PCLO: variants seen among roughly 807,000 people sequenced by gnomAD.
The protein encoded by PCLO is piccolo presynaptic cytomatrix protein.
PCLO carries 82 observed loss-of-function variants against 427.5 expected under a neutral mutation model. The ratio of observed to expected loss-of-function variants is 0.19; its 90% CI spans 0.16 to 0.23. The LOEUF is 0.23. PCLO is among the 10% of genes least tolerant of loss of function. PCLO has a pLI of 1.00. For missense variants in PCLO, 6,239 were observed against 6,115.9 expected, an observed-to-expected ratio of 1.02 and a Z score of -0.67; for synonymous variants, 2,357 against 2,155.4, an observed-to-expected ratio of 1.09 and a Z score of -2.59.
chr7:82,845,045 CATA>C (rs1414612506), intron 13 of PCLO, among the ~76,000 whole-genome samples: 2 of 152,000 alleles, frequency 1.3e-5, no homozygotes, highest in East Asian at 1.9e-4. Context: ...TCAAGTTCCT[CATA>C]ATAACTACTG....
In PCLO at chr7:83,038,023, ATATATATTTATATATTTATATATATATC is replaced by A. The variant is rs1788852514; in HGVS notation, c.3301-71564_3301-71537del. ...TATATATATATATATATATATATAT[ATATATATTTATATATTTATATATATATC>A]TTTATATATATATTTATATATTTAT... On this transcript the variant is annotated intron_variant, in intron 3 of 24. Transcript: ENST00000333891. Among the ~76,000 whole-genome samples the A allele has an allele frequency of 3.8e-5, 2 of 52,824 alleles. 1 individual carries two copies. Among genetic ancestry groups the A allele is most frequent in the African/African-American group, 2.8e-4 (2 of 7,020 alleles). 34.7% of individuals were successfully genotyped at this position (52,824 alleles called of 152,430 possible).
At chr7:82,859,309 G>T (rs527767197) in intron 10 of PCLO, among the ~76,000 whole-genome samples, 1 of 152,200 alleles carries the variant, frequency 6.6e-6, no homozygotes, top group Non-Finnish European at 1.5e-5. Flanking sequence ...ATCCAGTGCT[G>T]TGCTGACTTT....
At chr7:82,806,562 G>T (rs6954078) in intron 20 of PCLO, among the ~76,000 whole-genome samples, 73,674 of 151,944 alleles carry the variant, frequency 0.48, 18,688 homozygotes, top group East Asian at 0.85. Context: ...GATTTGAGAA[G>T]AAATTTTGAT....
At chr7:82,884,246 T>G (rs7809960) in intron 9 of PCLO, among the ~76,000 whole-genome samples, 14,333 of 152,164 alleles carry the variant, frequency 0.094, 2,254 homozygotes, top group African/African-American at 0.32. Flanking sequence ...ATATTCACAG[T>G]ATATTGCATG....
intron 3 of PCLO, among the ~76,000 whole-genome samples, chr7:83,043,912 C>CTTTTTTTTTT (rs869061778): frequency 2.8e-3 from 265 of 94,834 alleles, no homozygotes; most frequent in Non-Finnish European, 3.9e-3. Context: ...CTATTATTTT[C>CTTTTTTTTTT]TTTTTTTTTT....
chr7:82,759,140 T>C (rs1340105013), intron 24 of PCLO, among the ~76,000 whole-genome samples: 1 of 151,900 alleles, frequency 6.6e-6, no homozygotes, highest in East Asian at 1.9e-4. Flanking sequence ...CACAGAGCAT[T>C]GTTTATATTT....
At chr7:83,153,419 G>A (rs4577905) in intron 2 of PCLO, among the ~76,000 whole-genome samples, 4,104 of 152,012 alleles carry the variant, frequency 0.027, 95 homozygotes, top group Non-Finnish European at 0.042. Flanking sequence ...TTTTAAATTT[G>A]CATCATTTTT....
chr7:82,771,560 T>C (rs1274309694), intron 22 of PCLO, among the ~76,000 whole-genome samples: 1 of 152,112 alleles, frequency 6.6e-6, no homozygotes, highest in Non-Finnish European at 1.5e-5. Flanking sequence ...TCTGTCATTA[T>C]ATCTTGTTTT....
At chr7:83,068,194 T>G (rs1271709858) in intron 3 of PCLO, among the ~76,000 whole-genome samples, 1 of 152,104 alleles carries the variant, frequency 6.6e-6, no homozygotes, top group Non-Finnish European at 1.5e-5. Context: ...ACATAAGAGT[T>G]CTAGGTAACA....
In PCLO at chr7:83,162,734, T is replaced by A; in HGVS notation, c.-142A>T. The A allele has an allele frequency of 9.1e-7, 1 of 1,104,590 alleles. No individual in the cohort carries two copies. The highest frequency in any genetic ancestry group is 1.6e-5 in the African/African-American group (1 of 62,608). 68.4% of individuals were successfully genotyped at this position (1,104,590 alleles called of 1,614,324 possible). On this transcript the variant is annotated 5_prime_UTR_variant, in exon 1 of 25. Coordinates refer to ENST00000333891, the MANE Select transcript of PCLO (RefSeq NM_033026.6). The stretch of plus-strand genomic sequence containing the variant: ...AGTCCCTGGACTCTGGACCAGGCAC[T>A]GCCGCCCGGAACGCCAGGCAGGGGT...
chr7:82,875,390 T>C (rs1420241667), intron 10 of PCLO, among the ~76,000 whole-genome samples: 1 of 152,086 alleles, frequency 6.6e-6, no homozygotes, highest in Non-Finnish European at 1.5e-5. Context: ...CATAACATTC[T>C]CCTACATTAT....
At chr7:83,104,142 C>G (rs546763668) in intron 3 of PCLO, among the ~76,000 whole-genome samples, 2 of 138,800 alleles carry the variant, frequency 1.4e-5, no homozygotes, top group Admixed American at 1.5e-4. Context: ...TCTTAATTTA[C>G]CTGTAAATAT....
At chr7:83,127,094 CAA>C (rs1245327314) in intron 3 of PCLO, among the ~76,000 whole-genome samples, 4 of 151,888 alleles carry the variant, frequency 2.6e-5, no homozygotes, top group Non-Finnish European at 5.9e-5. Context: ...TATAAAGTAA[CAA>C]GAGCTAGAAA....
intron 15 of PCLO, 50 bp downstream of exon 15, chr7:82,838,168 T>C (rs1435548584): frequency 2.2e-6 from 3 of 1,347,562 alleles, no homozygotes; most frequent in Admixed American, 3.9e-5. Context: ...TAGAAAATAC[T>C]ATACTATTGT....
intron 1 of PCLO, 87 bp from the exon 2 acceptor site, chr7:83,156,479 A>T (rs1012877594): frequency 4.9e-5 from 39 of 792,772 alleles, no homozygotes; most frequent in Non-Finnish European, 7.1e-5. Context: ...CCTATTGCTT[A>T]TATCTTCAAA....
chr7:82,891,512 T>C (rs548308225), intron 9 of PCLO, among the ~76,000 whole-genome samples: 17 of 152,214 alleles, frequency 1.1e-4, no homozygotes, highest in African/African-American at 7.2e-5. Flanking sequence ...CTTTTCCTAA[T>C]TGAATACCCT....
At chr7:82,776,396 C>T (rs916022693) in intron 22 of PCLO, among the ~76,000 whole-genome samples, 1 of 152,116 alleles carries the variant, frequency 6.6e-6, no homozygotes, top group Non-Finnish European at 1.5e-5. Context: ...AGTTCCAGAT[C>T]ATCCTGGCCA....
At chr7:83,104,946 C>G (rs1017672342) in intron 3 of PCLO, among the ~76,000 whole-genome samples, 3 of 122,992 alleles carry the variant, frequency 2.4e-5, no homozygotes, top group African/African-American at 3.4e-5. Flanking sequence ...GCAAATAAAT[C>G]ATCAAAAGGC....
chr7:82,773,856 T>C (rs1353007079), intron 22 of PCLO, among the ~76,000 whole-genome samples: 1 of 152,098 alleles, frequency 6.6e-6, no homozygotes, highest in Non-Finnish European at 1.5e-5. Flanking sequence ...CAGTAATAAT[T>C]ACCAGCAAGA....
Sources: allele counts gnomAD v4.1 joint callset (sites outside exome capture counted in the v4.1 genomes callset), GRCh38; gene constraint gnomAD v4.1.1; transcripts MANE v1.5; gene names NCBI Gene and HGNC (gene_info 2026-07-23, HGNC 2026-07-21).